KCTD1: variants seen among roughly 807,000 people sequenced by gnomAD.
KCTD1 encodes the protein BTB/POZ domain-containing protein KCTD1.
A neutral mutation model predicts 66.0 loss-of-function variants in KCTD1; 24 were observed. The observed-to-expected ratio is 0.36, with a 90% confidence interval of 0.26 to 0.51. The LOEUF (loss-of-function observed/expected upper bound fraction) is 0.51, where lower values mean the gene tolerates loss of function less well. KCTD1 is among the 20% of genes least tolerant of loss of function. KCTD1 has a pLI of 0.95. For missense variants in KCTD1, 943 were observed against 1,205.2 expected (o/e 0.78, Z 3.22); for synonymous variants, 511 against 517.2 (o/e 0.99, Z 0.16).
upstream of KCTD1, among the ~76,000 whole-genome samples, chr18:26,643,311 T>C (rs575646648): frequency 6.6e-6 from 1 of 152,246 alleles, no homozygotes; most frequent in Admixed American, 6.5e-5. Flanking sequence ...CTTAATTATG[T>C]CCCCAAAGTC....
chr18:26,630,982 C>T (rs915883737), upstream of KCTD1, among the ~76,000 whole-genome samples: 2 of 152,176 alleles, frequency 1.3e-5, no homozygotes, highest in Non-Finnish European at 2.9e-5. Context: ...TGATATCCTC[C>T]CTACACTTAT....
At chr18:26,494,701 A>G (rs1982377053) in intron 2 of KCTD1, among the ~76,000 whole-genome samples, 1 of 152,082 alleles carries the variant, frequency 6.6e-6, no homozygotes, top group Non-Finnish European at 1.5e-5. Context: ...AGATGAAAAG[A>G]AGAGAGAGAG....
At chr18:26,475,439 C>T (rs954168307) in intron 3 of KCTD1, among the ~76,000 whole-genome samples, 5 of 152,172 alleles carry the variant, frequency 3.3e-5, no homozygotes, top group African/African-American at 1.2e-4. Context: ...GTGTAGAGAT[C>T]TGCAGTTTTC....
At chr18:26,524,328 C>T (rs1320393603) in intron 1 of KCTD1, among the ~76,000 whole-genome samples, 1 of 152,182 alleles carries the variant, frequency 6.6e-6, no homozygotes, top group East Asian at 1.9e-4. Flanking sequence ...TTTAGTGAGA[C>T]AGAGAAAGAG....
chr18:26,608,746 A>G (rs1271855557), intron 1 of KCTD1, among the ~76,000 whole-genome samples: 1 of 152,218 alleles, frequency 6.6e-6, no homozygotes, highest in Non-Finnish European at 1.5e-5. Flanking sequence ...TGAACACAGT[A>G]TATTTGATTA....
At chr18:26,538,161 C>T (rs536616268) in intron 1 of KCTD1, among the ~76,000 whole-genome samples, 14 of 152,188 alleles carry the variant, frequency 9.2e-5, no homozygotes, top group Middle Eastern at 3.4e-3. Flanking sequence ...GCAGAAGAAT[C>T]GCTTGAACCC....
At chr18:26,550,256 TC>T (rs1367122413), upstream of KCTD1, among the ~76,000 whole-genome samples, 2 of 152,096 alleles carry the variant, frequency 1.3e-5, no homozygotes, top group African/African-American at 4.8e-5. The surrounding 1 kb of genome is among the most constrained non-coding windows in gnomAD (Gnocchi z 5.4). Flanking sequence ...ACTGCCTGTT[TC>T]CCCCTTCCCT....
At chr18:26,479,422 G>T (rs1161444338) in intron 2 of KCTD1, among the ~76,000 whole-genome samples, 1 of 152,216 alleles carries the variant, frequency 6.6e-6, no homozygotes, top group Non-Finnish European at 1.5e-5. Context: ...CAGACCCCCC[G>T]CCAGGCCGTG....
chr18:26,655,435 T>TACAC lies in KCTD1; in HGVS notation c.9+1921_9+1924dup, dbSNP rs10631197. On this transcript the variant is annotated intron_variant, in intron 1 of 4. Coordinates refer to the KCTD1 transcript ENST00000580191. Reference sequence around the variant, plus strand: ...TTATGTCTCCCAGTACCACTCAGGATACACACACACACACACAGACACACA... The same window carrying TACAC: ...TTATGTCTCCCAGTACCACTCAGGATACACACACACACACACACACAGACACACA... 1.2e-3 allele frequency among the ~76,000 whole-genome samples: 185 copies of TACAC among 150,864 alleles called. 2 individuals carry two copies. The highest frequency in any genetic ancestry group is 3.8e-3 in the South Asian group (18 of 4,788).
At chr18:26,645,338 G>T (rs1987909850), upstream of KCTD1, among the ~76,000 whole-genome samples, 1 of 152,100 alleles carries the variant, frequency 6.6e-6, no homozygotes, top group Non-Finnish European at 1.5e-5. Context: ...CAGCCTCAAA[G>T]TTCTGGGCTC....
intron 1 of KCTD1, among the ~76,000 whole-genome samples, chr18:26,652,056 T>G (rs1199374074): frequency 6.6e-6 from 1 of 152,134 alleles, no homozygotes; most frequent in African/African-American, 2.4e-5. Flanking sequence ...GCCTGGGGTT[T>G]CAGAGGCAGC....
At chr18:26,463,271 C>T (rs976243608) in intron 3 of KCTD1, among the ~76,000 whole-genome samples, 1 of 152,070 alleles carries the variant, frequency 6.6e-6, no homozygotes, top group Non-Finnish European at 1.5e-5. Flanking sequence ...GCCTGGGCAA[C>T]GTAGGGAGAC....
intron 1 of KCTD1, among the ~76,000 whole-genome samples, chr18:26,598,037 CTG>C (rs1986808485): frequency 6.6e-6 from 1 of 152,208 alleles, no homozygotes; most frequent in Non-Finnish European, 1.5e-5. Context: ...TTCTAAGACA[CTG>C]TACTCATTGA....
intron 2 of KCTD1, among the ~76,000 whole-genome samples, chr18:26,489,629 TG>T (rs1174861156): frequency 7.2e-5 from 11 of 152,254 alleles, no homozygotes; most frequent in African/African-American, 2.2e-4. Context: ...GTTTGGGAGT[TG>T]GGGGTAAAGG....
chr18:26,462,928 G>A (rs117813906), intron 3 of KCTD1, among the ~76,000 whole-genome samples: 3,138 of 152,230 alleles, frequency 0.021, 47 homozygotes, highest in Middle Eastern at 0.075. Context: ...CCTTTCTGGG[G>A]CTTTTACAAA....
chr18:26,590,161 G>T (rs1022449636), intron 1 of KCTD1, among the ~76,000 whole-genome samples: 1 of 152,024 alleles, frequency 6.6e-6, no homozygotes. Flanking sequence ...TCAGCTCACT[G>T]CAACCTCTGC....
chr18:26,657,304 G>C (rs1449207648), intron 1 of KCTD1: 3 of 984,294 alleles, frequency 3.0e-6, no homozygotes, highest in Non-Finnish European at 3.6e-6. Context: ...TGCGCCCAAA[G>C]TCCCAGCCAT....
intron 3 of KCTD1, among the ~76,000 whole-genome samples, chr18:26,472,677 G>A (rs983077111): frequency 2.8e-4 from 43 of 152,206 alleles, no homozygotes; most frequent in Non-Finnish European, 1.5e-5. Context: ...AGCTGACTGG[G>A]GAGCGCCCGA....
intron 1 of KCTD1, among the ~76,000 whole-genome samples, chr18:26,554,381 G>A (rs1985654688): frequency 7.0e-6 from 1 of 142,488 alleles, no homozygotes; most frequent in Non-Finnish European, 1.6e-5. Flanking sequence ...GTCTTGGACT[G>A]TGACACACGT....
Sources: gnomAD v4.1 joint callset for allele counts (sites outside exome capture counted in the v4.1 genomes callset) on GRCh38, gnomAD v4.1.1 for gene constraint, Gnocchi (gnomAD v3.1) non-coding constraint, MANE v1.5 for transcripts, NCBI Gene and HGNC (gene_info 2026-07-23, HGNC 2026-07-21) for gene names.